Variants in ASB3 observed in about 807,000 individuals in gnomAD.
The protein encoded by ASB3 is ankyrin repeat and SOCS box containing 3.
A neutral mutation model predicts 54.5 loss-of-function variants in ASB3; 41 were observed. The ratio of observed to expected loss-of-function variants is 0.75; its 90% CI spans 0.59 to 0.98. The LOEUF (loss-of-function observed/expected upper bound fraction) is 0.98. Ranked by LOEUF, ASB3 falls within the 50% of genes least tolerant of loss-of-function variation. The pLI, the probability that ASB3 is intolerant of heterozygous loss-of-function variation, is 0.00. For missense variants in ASB3, 733 were observed against 620.0 expected, an observed-to-expected ratio of 1.18 and a Z score of -1.94; for synonymous variants, 266 against 221.2, an observed-to-expected ratio of 1.20 and a Z score of -1.80.
intron 5 of ASB3, among the ~76,000 whole-genome samples, chr2:53,717,171 C>T (rs1438256982): frequency 6.6e-6 from 1 of 152,160 alleles, no homozygotes; most frequent in Non-Finnish European, 1.5e-5. Context: ...TCATTCCAAT[C>T]CCTCCTCCAA....
Position 53,676,764 on chromosome 2 carries a change from T to C in ASB3, c.1370-6074A>G, listed in dbSNP as rs185932439. Among the ~76,000 whole-genome samples, 17 of 152,244 alleles carry C rather than the reference T, an allele frequency of 1.1e-4. No homozygotes were observed. The East Asian group carries it at 2.1e-3, about 19-fold the overall frequency. On this transcript the variant is annotated intron_variant, in intron 9 of 9. Transcript: ENST00000263634. ...ACCATTTTTCATCTTTTGTGCTGTT[T>C]TGTTTGTTCGTTTTGTTTTGTTTTG...
intron 1 of ASB3, chr2:53,786,407 T>C (rs2542585): frequency 0.53 from 81,068 of 151,954 alleles, 22,106 homozygotes; most frequent in African/African-American, 0.64. Flanking sequence ...TTCGGAGGCT[T>C]GCGGTATTCA....
chr2:53,681,743 G>T (rs531116150), intron 9 of ASB3, among the ~76,000 whole-genome samples: 10 of 152,260 alleles, frequency 6.6e-5, no homozygotes, highest in Admixed American at 2.0e-4. Context: ...CCAGTACCAG[G>T]CTGTTTTAGT....
At chr2:53,763,839 T>C (rs1673286468) in intron 2 of ASB3, among the ~76,000 whole-genome samples, 1 of 152,202 alleles carries the variant, frequency 6.6e-6, no homozygotes, top group Non-Finnish European at 1.5e-5. Flanking sequence ...TCAAACAGAT[T>C]CTGAAAACAT....
chr2:53,751,270 G>A (rs1672495724), intron 2 of ASB3, among the ~76,000 whole-genome samples: 1 of 152,018 alleles, frequency 6.6e-6, no homozygotes, highest in East Asian at 1.9e-4. Context: ...CTAAATATTT[G>A]CTTAAACAGA....
chr2:53,673,836 T>G (rs990439959), intron 9 of ASB3, among the ~76,000 whole-genome samples: 5 of 152,242 alleles, frequency 3.3e-5, no homozygotes, highest in African/African-American at 1.2e-4. Context: ...CATTTTGGTT[T>G]TCCTTCTAAG....
At chr2:53,746,258 G>T (rs1672216113) in intron 3 of ASB3, among the ~76,000 whole-genome samples, 1 of 152,072 alleles carries the variant, frequency 6.6e-6, no homozygotes, top group Non-Finnish European at 1.5e-5. Context: ...TTTTGCCACT[G>T]CACTCCAGCC....
At chr2:53,725,248 C>T (rs1467065372) in intron 5 of ASB3, among the ~76,000 whole-genome samples, 1 of 152,154 alleles carries the variant, frequency 6.6e-6, no homozygotes, top group Non-Finnish European at 1.5e-5. Flanking sequence ...TACTCAAGGA[C>T]ATAAAGATAG....
intron 9 of ASB3, among the ~76,000 whole-genome samples, chr2:53,680,117 A>G (rs1668287312): frequency 1.3e-5 from 2 of 152,166 alleles, no homozygotes; most frequent in African/African-American, 4.8e-5. Context: ...GTGCGTATGT[A>G]CCACATTTTC....
intron 9 of ASB3, among the ~76,000 whole-genome samples, chr2:53,674,611 T>A (rs888776702): frequency 2.0e-5 from 3 of 152,184 alleles, no homozygotes; most frequent in African/African-American, 7.2e-5. Context: ...TAGCCTTCCC[T>A]CAGGCCAATG....
intron 2 of ASB3, among the ~76,000 whole-genome samples, chr2:53,752,852 A>G (rs1343406934): frequency 6.6e-6 from 1 of 152,228 alleles, no homozygotes; most frequent in South Asian, 2.1e-4. Context: ...GCAGTAAGAG[A>G]CTAAGAAAGA....
At chr2:53,767,950 G>T in intron 1 of ASB3, 1 of 1,614,148 alleles carries the variant, frequency 6.2e-7, no homozygotes, top group Non-Finnish European at 8.5e-7. Flanking sequence ...GGACAAGCTG[G>T]TCGGATACAT....
chr2:53,681,291 C>T (rs944798636), intron 9 of ASB3, among the ~76,000 whole-genome samples: 3 of 152,162 alleles, frequency 2.0e-5, no homozygotes, highest in African/African-American at 7.2e-5. Flanking sequence ...TGAGGAAACT[C>T]CAAATACTTT....
At chr2:53,734,103 C>T (rs1460330573) in intron 3 of ASB3, among the ~76,000 whole-genome samples, 1 of 152,202 alleles carries the variant, frequency 6.6e-6, no homozygotes, top group Non-Finnish European at 1.5e-5. Flanking sequence ...TTCCGGTAAA[C>T]CCACATCCTT....
chr2:53,697,411 TC>T (rs969915187), intron 8 of ASB3, among the ~76,000 whole-genome samples: 2 of 152,170 alleles, frequency 1.3e-5, no homozygotes, highest in African/African-American at 4.8e-5. Context: ...ATTCTTTTGT[TC>T]CCTTACTTTG....
intron 1 of ASB3, chr2:53,774,170 T>G (rs145056139): frequency 2.5e-6 from 4 of 1,611,350 alleles, no homozygotes; most frequent in Non-Finnish European, 3.4e-6. Flanking sequence ...GCTTACAGAT[T>G]GCCAGTAGGA....
intron 2 of ASB3, among the ~76,000 whole-genome samples, chr2:53,751,925 TCA>T (rs1672537174): frequency 6.6e-6 from 1 of 152,222 alleles, no homozygotes; most frequent in African/African-American, 2.4e-5. Context: ...AAATAGGGTT[TCA>T]GAGATTAGTC....
intron 2 of ASB3, among the ~76,000 whole-genome samples, chr2:53,764,853 C>T (rs1673347937): frequency 6.6e-6 from 1 of 152,130 alleles, no homozygotes; most frequent in Non-Finnish European, 1.5e-5. Flanking sequence ...ACACTTTTAC[C>T]TTTTTAAATT....
At chr2:53,702,405 A>C (rs747957867) in intron 7 of ASB3, among the ~76,000 whole-genome samples, 27 of 152,170 alleles carry the variant, frequency 1.8e-4, no homozygotes, top group Non-Finnish European at 3.8e-4. Context: ...TGATTATTAC[A>C]TGTCACTAAG....
Sources: gnomAD v4.1 joint callset for allele counts (sites outside exome capture counted in the v4.1 genomes callset) on GRCh38, gnomAD v4.1.1 for gene constraint, MANE v1.5 for transcripts, NCBI Gene and HGNC (gene_info 2026-07-23, HGNC 2026-07-21) for gene names.